CABLES1: variants seen among roughly 807,000 people sequenced by gnomAD.
The protein encoded by CABLES1 is CDK5 and ABL1 enzyme substrate 1.
In CABLES1, 36 loss-of-function variants were observed where a neutral mutation model predicts 57.8. That is an observed-to-expected ratio of 0.62 (90% CI 0.48 to 0.82). The LOEUF (loss-of-function observed/expected upper bound fraction) is 0.82. CABLES1 is among the 40% of genes least tolerant of loss of function. The pLI is 0.00. For missense variants in CABLES1, 767 were observed against 836.6 expected (o/e 0.92, Z 1.03); for synonymous variants, 374 against 363.0 (o/e 1.03, Z -0.35).
At chr18:23,172,062 A>G (rs904960931) in intron 1 of CABLES1, among the ~76,000 whole-genome samples, 1 of 152,212 alleles carries the variant, frequency 6.6e-6, no homozygotes, top group Non-Finnish European at 1.5e-5. Flanking sequence ...CTGGGACTAC[A>G]GGCATGTGCC....
intron 1 of CABLES1, among the ~76,000 whole-genome samples, chr18:23,165,468 G>A (rs149106759): frequency 0.011 from 1,603 of 152,086 alleles, 16 homozygotes; most frequent in Middle Eastern, 0.034. Context: ...CCACTCTCCG[G>A]AACCCTTTTC....
At chr18:23,222,037 C>T (rs780758124) in intron 4 of CABLES1, among the ~76,000 whole-genome samples, 5 of 152,154 alleles carry the variant, frequency 3.3e-5, no homozygotes, top group Non-Finnish European at 5.9e-5. Flanking sequence ...GATGTCCAAA[C>T]GGATTTCCAA....
chr18:23,236,158 C>T, intron 6 of CABLES1, 107 bp downstream of exon 6: 1 of 1,223,308 alleles, frequency 8.2e-7, no homozygotes, highest in Non-Finnish European at 1.1e-6. Flanking sequence ...CAGGGGCTCG[C>T]AGGTGACATG....
intron 1 of CABLES1, among the ~76,000 whole-genome samples, chr18:23,153,493 G>C (rs944419713): frequency 6.6e-6 from 1 of 152,036 alleles, no homozygotes; most frequent in African/African-American, 2.4e-5. Context: ...CGGCACTTTG[G>C]GAGGCTGAGG....
intron 4 of CABLES1, among the ~76,000 whole-genome samples, chr18:23,218,887 G>A (rs2047464719): frequency 6.6e-6 from 1 of 152,204 alleles, no homozygotes; most frequent in South Asian, 2.1e-4. Context: ...GAAGGGGTGG[G>A]GAGGAATGAG....
chr18:23,250,226 C>T (rs2048003902), intron 7 of CABLES1, among the ~76,000 whole-genome samples: 1 of 152,194 alleles, frequency 6.6e-6, no homozygotes, highest in Non-Finnish European at 1.5e-5. Context: ...GTCAGGCCCC[C>T]AACAAAGGCA....
At chr18:23,247,898 C>A (rs913517089) in intron 7 of CABLES1, among the ~76,000 whole-genome samples, 1 of 152,236 alleles carries the variant, frequency 6.6e-6, no homozygotes, top group Non-Finnish European at 1.5e-5. Flanking sequence ...AAGCACTGGG[C>A]TCCCTGGGCC....
intron 6 of CABLES1, among the ~76,000 whole-genome samples, chr18:23,236,618 A>G (rs954305777): frequency 3.3e-5 from 5 of 152,270 alleles, no homozygotes; most frequent in Admixed American, 3.3e-4. Flanking sequence ...GAAGTTCCCT[A>G]GGTCTGCCCA....
intron 1 of CABLES1, among the ~76,000 whole-genome samples, chr18:23,167,808 G>A (rs1443669522): frequency 1.3e-5 from 2 of 152,162 alleles, no homozygotes; most frequent in Non-Finnish European, 1.5e-5. Context: ...TGGGGGCCTC[G>A]GCAGGTAGCT....
At chr18:23,234,794 G>A in intron 5 of CABLES1, 90 bp downstream of exon 5, 2 of 1,041,786 alleles carry the variant, frequency 1.9e-6, no homozygotes, top group Non-Finnish European at 2.9e-6. Context: ...AGCCTCTCTT[G>A]AGGTGGAGGA....
chr18:23,166,433 C>A (rs2047043087), intron 1 of CABLES1, among the ~76,000 whole-genome samples: 1 of 152,142 alleles, frequency 6.6e-6, no homozygotes, highest in South Asian at 2.1e-4. Flanking sequence ...GAGCTCCTGA[C>A]CTTAGGTGAT....
chr18:23,228,646 T>C (rs2047544754), intron 4 of CABLES1, among the ~76,000 whole-genome samples: 1 of 151,874 alleles, frequency 6.6e-6, no homozygotes, highest in Non-Finnish European at 1.5e-5. Context: ...ACCTCCTGTT[T>C]TAATCCCCAC....
chr18:23,144,192 G>A (rs559553863), intron 1 of CABLES1, among the ~76,000 whole-genome samples: 2 of 152,204 alleles, frequency 1.3e-5, no homozygotes, highest in South Asian at 4.1e-4. Context: ...CTTCAGCCCT[G>A]GTCTGACTGG....
intron 1 of CABLES1, among the ~76,000 whole-genome samples, chr18:23,175,324 G>GA (rs1351008743): frequency 2.0e-5 from 3 of 152,126 alleles, no homozygotes; most frequent in East Asian, 1.9e-4. Context: ...TAATTTGGGA[G>GA]AAAAAAGCAC....
chr18:23,208,324 C>T (rs1433498822), intron 3 of CABLES1, among the ~76,000 whole-genome samples: 3 of 152,176 alleles, frequency 2.0e-5, no homozygotes, highest in African/African-American at 4.8e-5. Context: ...AAAAGCGTCC[C>T]CCCAATAGCT....
chr18:23,196,295 G>A (rs1177678548), intron 3 of CABLES1, among the ~76,000 whole-genome samples: 6 of 152,202 alleles, frequency 3.9e-5, no homozygotes, highest in African/African-American at 1.4e-4. Flanking sequence ...TCTAGGGCCT[G>A]TGTGGGAACC....
At chr18:23,205,706 A>G (rs1174502526) in intron 3 of CABLES1, among the ~76,000 whole-genome samples, 4 of 152,138 alleles carry the variant, frequency 2.6e-5, no homozygotes, top group Non-Finnish European at 5.9e-5. Flanking sequence ...GAAAGAGGAA[A>G]TTGAAGCCAG....
chr18:23,255,321 A>G (rs1343783698), intron 9 of CABLES1, among the ~76,000 whole-genome samples: 2 of 83,712 alleles, frequency 2.4e-5, no homozygotes, highest in East Asian at 3.2e-4. Context: ...CAGTGCCCCC[A>G]TATGTCTCAC....
chr18:23,233,920 A>G (rs1172223859), intron 4 of CABLES1, among the ~76,000 whole-genome samples: 2 of 152,140 alleles, frequency 1.3e-5, no homozygotes, highest in Non-Finnish European at 2.9e-5. Context: ...CTCATGCAGC[A>G]TTAGAAAGAA....
Sources: gnomAD v4.1 joint callset for allele counts (sites outside exome capture counted in the v4.1 genomes callset) on GRCh38, gnomAD v4.1.1 for gene constraint, MANE v1.5 for transcripts, NCBI Gene and HGNC (gene_info 2026-07-23, HGNC 2026-07-21) for gene names.